The following PLCL2 variants were observed in gnomAD, a reference collection of about 807,000 sequenced individuals.
PLCL2 encodes the protein phospholipase C like 2.
PLCL2 carries 4 observed loss-of-function variants against 79.6 expected under a neutral mutation model. The observed-to-expected ratio is 0.05, with a 90% CI of 0.02 to 0.11. The LOEUF is 0.11. Among genes scored for constraint, PLCL2 ranks in the 10% least tolerant of loss-of-function variants. PLCL2 has a pLI of 1.00. For missense variants in PLCL2, 895 were observed against 1,291.0 expected (o/e 0.69, Z 4.70); for synonymous variants, 484 against 457.7 (o/e 1.06, Z -0.73).
chr3:16,936,387 C>T (rs1697539608), intron 1 of PLCL2, among the ~76,000 whole-genome samples: 1 of 152,150 alleles, frequency 6.6e-6, no homozygotes, highest in Non-Finnish European at 1.5e-5. Flanking sequence ...TATCGAAGCC[C>T]TGGTTCCCAG....
intron 1 of PLCL2, among the ~76,000 whole-genome samples, chr3:16,993,429 A>G (rs775063293): frequency 1.2e-4 from 18 of 152,160 alleles, no homozygotes; most frequent in Non-Finnish European, 2.2e-4. Flanking sequence ...CTCTCTCTCC[A>G]AAGGTCTCCT....
intron 1 of PLCL2, among the ~76,000 whole-genome samples, chr3:16,988,601 A>G (rs2064073634): frequency 6.6e-6 from 1 of 152,096 alleles, no homozygotes; most frequent in South Asian, 2.1e-4. Flanking sequence ...AGGTTGAAAG[A>G]AGCTACCATC....
chr3:16,942,798 A>C (rs1321106131), intron 1 of PLCL2, among the ~76,000 whole-genome samples: 1 of 152,224 alleles, frequency 6.6e-6, no homozygotes, highest in Non-Finnish European at 1.5e-5. Flanking sequence ...TGTAAAAGAG[A>C]AATTAGTTAT....
At chr3:17,041,920 G>C (rs1437040997) in intron 3 of PLCL2, among the ~76,000 whole-genome samples, 2 of 151,978 alleles carry the variant, frequency 1.3e-5, no homozygotes, top group Non-Finnish European at 2.9e-5. Flanking sequence ...CTCCAGCCTG[G>C]CTGACAGAAC....
At chr3:17,049,738 T>G (rs1213890844) in intron 4 of PLCL2, among the ~76,000 whole-genome samples, 2 of 152,138 alleles carry the variant, frequency 1.3e-5, no homozygotes, top group South Asian at 4.2e-4. Flanking sequence ...ATCAATATTG[T>G]TAAAATGTCC....
chr3:16,885,671 T>C (rs980956752), intron 1 of PLCL2, among the ~76,000 whole-genome samples: 9 of 152,232 alleles, frequency 5.9e-5, no homozygotes, highest in African/African-American at 1.9e-4. Flanking sequence ...CTCTTATGTG[T>C]AGCCTAGTCT....
chr3:17,081,511 C>G (rs1457927262), intron 5 of PLCL2: 2 of 252,934 alleles, frequency 7.9e-6, no homozygotes, highest in Non-Finnish European at 1.6e-5. Context: ...TTGTTTTGCC[C>G]CTACGTCTGA....
At chr3:16,957,963 G>C (rs190229150) in intron 1 of PLCL2, among the ~76,000 whole-genome samples, 1 of 152,232 alleles carries the variant, frequency 6.6e-6, no homozygotes, top group Admixed American at 6.5e-5. Context: ...GCACACTGAT[G>C]GGTCTTGACT....
At chr3:17,052,069 T>G (rs2064846970) in intron 4 of PLCL2, among the ~76,000 whole-genome samples, 1 of 152,004 alleles carries the variant, frequency 6.6e-6, no homozygotes, top group South Asian at 2.1e-4. Context: ...TCATACATGT[T>G]TAGAAGGATT....
chr3:17,086,133 A>G (rs2065217731), intron 5 of PLCL2, among the ~76,000 whole-genome samples: 2 of 152,244 alleles, frequency 1.3e-5, no homozygotes, highest in Admixed American at 1.3e-4. Flanking sequence ...AGAATAGCCA[A>G]CACAATATTA....
At chr3:16,963,480 C>G (rs2063775115) in intron 1 of PLCL2, among the ~76,000 whole-genome samples, 1 of 151,970 alleles carries the variant, frequency 6.6e-6, no homozygotes, top group South Asian at 2.1e-4. Flanking sequence ...ATTATAAAAT[C>G]AAATAATAAA....
intron 3 of PLCL2, among the ~76,000 whole-genome samples, chr3:17,029,262 G>C (rs2064554075): frequency 6.6e-6 from 1 of 151,626 alleles, no homozygotes; most frequent in Admixed American, 6.6e-5. Flanking sequence ...CTCTTGTTCA[G>C]ACCCTAGATG....
At position 17,010,077 on chromosome 3, in the gene PLCL2, C is replaced by T. The variant is rs754249764; in HGVS notation, c.731C>T (p.Thr244Ile). 1.2e-6 allele frequency: 2 copies of T among 1,613,726 alleles called. No individual in the cohort carries two copies. Among genetic ancestry groups the T allele is most frequent in the Non-Finnish European group, 1.7e-6 (2 of 1,179,654 alleles). ...GCAGATGTTGCAAACATCTGGGTTA[C>T]AGGACTGCGGTACCTAATTTCTTAT... ...NSADVANIWV[T>I]GLRYLISYGK... Residue 244 changes from threonine (T) to isoleucine (I), a missense_variant, in exon 2 of 6, where the codon ACA becomes ATA. Thr to Ile is a moderately conservative substitution (Grantham distance 89). Coordinates refer to ENST00000615277, the MANE Select transcript of PLCL2 (RefSeq NM_001144382.2). This position sits in a 1 kb window ranked among gnomAD's most constrained non-coding sequence, Gnocchi z 5.8.
At chr3:16,979,938 C>T (rs1375953364) in intron 1 of PLCL2, among the ~76,000 whole-genome samples, 2 of 150,710 alleles carry the variant, frequency 1.3e-5, no homozygotes, top group Admixed American at 6.6e-5. Flanking sequence ...CCCTCACCTC[C>T]CAGACAGGGC....
At chr3:17,052,662 C>T (rs1255468622) in intron 4 of PLCL2, among the ~76,000 whole-genome samples, 2 of 152,146 alleles carry the variant, frequency 1.3e-5, no homozygotes, top group Admixed American at 6.5e-5. Context: ...GCCTCCTCCA[C>T]CTCTTCTGCC....
At chr3:16,980,104 C>A (rs1421738944) in intron 1 of PLCL2, among the ~76,000 whole-genome samples, 2 of 116,546 alleles carry the variant, frequency 1.7e-5, no homozygotes, top group Non-Finnish European at 3.6e-5. Context: ...GCTGACCACC[C>A]CACCTCCCTC....
rs555068256 is a variant in PLCL2, at chr3:17,017,791, C to G, written c.3018+2880C>G. Among the ~76,000 whole-genome samples the G allele has an allele frequency of 3.3e-5, 5 of 152,268 alleles. No individual in the cohort carries two copies. The South Asian group carries it at 6.2e-4, about 19-fold the overall frequency. ...TAAAATGTACAGATGTGTATTTATG[C>G]TATCAAGATTGTGATTACTTTTCAA... On this transcript the variant is annotated intron_variant, in intron 3 of 5. Coordinates refer to ENST00000615277, the MANE Select transcript of PLCL2 (RefSeq NM_001144382.2).
At chr3:16,933,394 A>G (rs1697456905) in intron 1 of PLCL2, 1 of 154,356 alleles carries the variant, frequency 6.5e-6, no homozygotes, top group Admixed American at 6.5e-5. Flanking sequence ...ACTTAGTTAA[A>G]CAAAAATCCA....
intron 3 of PLCL2, among the ~76,000 whole-genome samples, chr3:17,033,009 C>G (rs781336654): frequency 7.9e-5 from 12 of 152,138 alleles, no homozygotes; most frequent in Non-Finnish European, 1.6e-4. Flanking sequence ...GAAAATTCAA[C>G]TAGCTACCTA....
Sources: gnomAD v4.1 joint callset for allele counts (sites outside exome capture counted in the v4.1 genomes callset) on GRCh38, gnomAD v4.1.1 for gene constraint, Gnocchi (gnomAD v3.1) non-coding constraint, MANE v1.5 for transcripts, NCBI Gene and HGNC (gene_info 2026-07-23, HGNC 2026-07-21) for gene names.